The following SLCO1A2 variants were observed in gnomAD, a reference collection of about 807,000 sequenced individuals.
SLCO1A2 encodes the protein OATP-1.
A neutral mutation model predicts 69.0 loss-of-function variants in SLCO1A2; 67 were observed. That is an observed-to-expected ratio of 0.97 (90% CI 0.80 to 1.19). The LOEUF (loss-of-function observed/expected upper bound fraction) is 1.19, where lower values mean the gene tolerates loss of function less well. Ranked by LOEUF, SLCO1A2 falls within the 50% of genes most tolerant of loss-of-function variation. SLCO1A2 has a pLI of 0.00. For synonymous variants in SLCO1A2, 260 were observed against 265.9 expected, an observed-to-expected ratio of 0.98 and a Z score of 0.22; for missense variants, 787 against 793.7, an observed-to-expected ratio of 0.99 and a Z score of 0.10.
chr12:21,394,646 T>C (rs149209731), intron 1 of SLCO1A2, among the ~76,000 whole-genome samples: 94 of 151,416 alleles, frequency 6.2e-4, no homozygotes, highest in African/African-American at 2.2e-3. Context: ...GAGCAAGCTA[T>C]TCCTGAACAA....
intron 8 of SLCO1A2, among the ~76,000 whole-genome samples, chr12:21,299,770 G>GTGTATATATA (rs781710145): frequency 1.5e-5 from 2 of 129,706 alleles, no homozygotes; most frequent in African/African-American, 5.7e-5. Flanking sequence ...ATATACGTGT[G>GTGTATATATA]TATATATATA....
chr12:21,411,395 A>G (rs1441917480), intron 1 of SLCO1A2, among the ~76,000 whole-genome samples: 1 of 152,112 alleles, frequency 6.6e-6, no homozygotes, highest in Non-Finnish European at 1.5e-5. Flanking sequence ...CTCTCATGCG[A>G]CTGTGATCAT....
At chr12:21,342,171 T>C (rs1170330323) in intron 2 of SLCO1A2, among the ~76,000 whole-genome samples, 1 of 152,046 alleles carries the variant, frequency 6.6e-6, no homozygotes, top group Non-Finnish European at 1.5e-5. Flanking sequence ...ATGAGGAGCA[T>C]AAAATGATAA....
intron 10 of SLCO1A2, 76 bp from the exon 11 acceptor site, chr12:21,294,186 C>T (rs756924392): frequency 8.6e-7 from 1 of 1,166,202 alleles, no homozygotes; most frequent in Non-Finnish European, 1.2e-6. Context: ...ATCTCAATCC[C>T]CAGTTAGATT....
At chr12:21,381,469 C>A (rs763615402) in intron 1 of SLCO1A2, among the ~76,000 whole-genome samples, 7 of 152,070 alleles carry the variant, frequency 4.6e-5, no homozygotes, top group Non-Finnish European at 7.4e-5. Context: ...CAGTGAGATA[C>A]CACCTTACTC....
At chr12:21,415,995 G>A (rs537317512) in intron 1 of SLCO1A2, among the ~76,000 whole-genome samples, 5 of 152,130 alleles carry the variant, frequency 3.3e-5, no homozygotes, top group Non-Finnish European at 7.4e-5. Context: ...CCCATCTGCT[G>A]TGTTCATTAT....
Position 21,265,117 on chromosome 12 carries a change from T to A in SLCO1A2, c.*4431A>T, listed in dbSNP as rs875234. ...TAAAATAAAACATCAATTGTATGAG[T>A]GTAATAGACATTCTAGTTCTTCAGC... On this transcript the variant is annotated 3_prime_UTR_variant, in exon 15 of 15. Transcript: ENST00000683939. 71 of 152,124 alleles carry A rather than the reference T, an allele frequency of 4.7e-4. No homozygotes were observed. Among genetic ancestry groups the A allele is most frequent in the African/African-American group, 1.6e-3 (68 of 41,480 alleles). The allele number at this position is 152,124 out of a possible 1,614,324, so 9.4% of individuals were successfully genotyped here.
rs192947595 is a variant in SLCO1A2, at chr12:21,351,585, G to A, written c.-62-16876C>T. Among the ~76,000 whole-genome samples the A allele has an allele frequency of 4.1e-3, 619 of 152,076 alleles. 7 individuals carry two copies. Among genetic ancestry groups the A allele is most frequent in the African/African-American group, 0.014 (586 of 41,496 alleles). ...GAGGTCAGGAGTTCGAGACAAGCCT[G>A]GCCAAAATGGTGAAACTCCATCTCT... is the stretch of plus-strand genomic sequence containing the variant. On this transcript the variant is annotated intron_variant, in intron 2 of 15. Transcript: ENST00000307378.
rs111873851 is a variant in SLCO1A2 at position 21,311,802 on chromosome 12, T to C, written c.335+2747A>G. 9.7e-4 allele frequency: 63 copies of C among 65,186 alleles called. 1 individual carries two copies. Among genetic ancestry groups the C allele is most frequent in the Middle Eastern group, 7.6e-3 (1 of 132 alleles). 4.0% of individuals were successfully genotyped at this position (65,186 alleles called of 1,614,324 possible). On this transcript the variant is annotated intron_variant, in intron 4 of 14. Transcript: ENST00000683939. ...TTAACTGGGCGTGGTGGTAGGTGCC[T>C]GTGATCCCAGCTACTTGGGAGGCTG...
At chr12:21,372,885 A>T (rs1468291849) in intron 2 of SLCO1A2, 1 of 196,666 alleles carries the variant, frequency 5.1e-6, no homozygotes, top group African/African-American at 2.4e-5. Context: ...TAAGAGCTGG[A>T]TTACTAGTTA....
upstream of SLCO1A2, among the ~76,000 whole-genome samples, chr12:21,418,892 C>A (rs187906037): frequency 1.0e-3 from 158 of 151,914 alleles, 1 homozygote; most frequent in Admixed American, 9.8e-3. Flanking sequence ...GGCCTGTGAA[C>A]TAAGAATAGT....
intron 12 of SLCO1A2, among the ~76,000 whole-genome samples, chr12:21,277,737 C>T (rs1944129264): frequency 6.6e-6 from 1 of 152,132 alleles, no homozygotes. Context: ...GCCTAGATCC[C>T]TCACATGTGC....
chr12:21,307,609 T>A lies in SLCO1A2; in HGVS notation c.336-621A>T, dbSNP rs979489471. On this transcript the variant is annotated intron_variant, in intron 4 of 14. Transcript: ENST00000683939. ...AATGGATTAATAAACTATGACCATT[T>A]AATTTAAGCAAATTACCACAAGATC... Among the ~76,000 whole-genome samples, 4 of 152,342 alleles carry A rather than the reference T, an allele frequency of 2.6e-5. No individual in the cohort carries two copies. The East Asian group carries it at 7.7e-4, about 29-fold the overall frequency.
chr12:21,336,028 T>C (rs1565506170), upstream of SLCO1A2, among the ~76,000 whole-genome samples: 1 of 152,088 alleles, frequency 6.6e-6, no homozygotes. Flanking sequence ...CCAGACAGTG[T>C]AGAAGGAAAT....
At chr12:21,319,758 T>C (rs765964329) in intron 2 of SLCO1A2, among the ~76,000 whole-genome samples, 4 of 152,168 alleles carry the variant, frequency 2.6e-5, no homozygotes, top group Non-Finnish European at 4.4e-5. Context: ...ATTATTGGTA[T>C]AGTTCCAGGA....
intron 2 of SLCO1A2, among the ~76,000 whole-genome samples, chr12:21,362,857 T>C (rs1298760784): frequency 2.0e-5 from 3 of 152,172 alleles, no homozygotes; most frequent in Admixed American, 6.5e-5. Flanking sequence ...ATCCTAAATA[T>C]ATATGCATCC....
Position 21,363,975 on chromosome 12 carries a change from G to C in SLCO1A2, c.-63+10424C>G, listed in dbSNP as rs1443631475. Reference sequence around the variant, plus strand: ...CCGAATTCTACCAGAGGTAAAAAGAGGAGCTGGTACCATTCCTTCTGAAAC... The same window carrying C: ...CCGAATTCTACCAGAGGTAAAAAGACGAGCTGGTACCATTCCTTCTGAAAC... On this transcript the variant is annotated intron_variant, in intron 2 of 15. Coordinates refer to the SLCO1A2 transcript ENST00000307378. Among the ~76,000 whole-genome samples, 18 of 152,172 alleles carry C rather than the reference G, an allele frequency of 1.2e-4. 1 individual carries two copies. Among genetic ancestry groups the C allele is most frequent in the Admixed American group, 1.2e-3 (18 of 15,278 alleles).
chr12:21,363,846 G>C (rs1939144559), intron 2 of SLCO1A2, among the ~76,000 whole-genome samples: 1 of 152,110 alleles, frequency 6.6e-6, no homozygotes, highest in African/African-American at 2.4e-5. Context: ...GACTAAACCA[G>C]GAAGAAGCTG....
chr12:21,271,875 T>TAC (rs1192137015), intron 14 of SLCO1A2, among the ~76,000 whole-genome samples: 1 of 149,326 alleles, frequency 6.7e-6, no homozygotes, highest in Non-Finnish European at 1.5e-5. Context: ...TGCAAATATA[T>TAC]ACATATGTGT....
Sources: gnomAD v4.1 joint callset for allele counts (sites outside exome capture counted in the v4.1 genomes callset) on GRCh38, gnomAD v4.1.1 for gene constraint, MANE v1.5 for transcripts, NCBI Gene and HGNC (gene_info 2026-07-23, HGNC 2026-07-21) for gene names.